The following AGAP4 variants were observed in gnomAD, a reference collection of about 807,000 sequenced individuals.
The protein encoded by AGAP4 is ArfGAP with GTPase domain, ankyrin repeat and PH domain 4.
Under a neutral mutation model 60.7 loss-of-function variants are expected in AGAP4, and 13 were observed. The ratio of observed to expected loss-of-function variants is 0.21; its 90% CI spans 0.14 to 0.34. AGAP4 has a LOEUF of 0.34. Among genes scored for constraint, AGAP4 ranks in the 10% least tolerant of loss-of-function variants. The pLI is 1.00. For synonymous variants in AGAP4, 70 were observed against 339.0 expected, an observed-to-expected ratio of 0.21 and a Z score of 8.72; for missense variants, 169 against 884.0, an observed-to-expected ratio of 0.19 and a Z score of 10.26.
intron 4 of AGAP4, among the ~76,000 whole-genome samples, chr10:45,834,810 G>A (rs1314522057): frequency 7.0e-6 from 1 of 142,188 alleles, no homozygotes; most frequent in South Asian, 2.1e-4. Flanking sequence ...GTCTCGCTCT[G>A]TCGCCCAGAC....
intron 4 of AGAP4, among the ~76,000 whole-genome samples, chr10:45,841,166 G>C (rs1590033072): frequency 2.0e-5 from 2 of 97,954 alleles, no homozygotes; most frequent in Admixed American, 9.2e-5. Flanking sequence ...GCAATGGCGC[G>C]ATCTTGGCTC....
chr10:45,847,456 C>T lies in AGAP4; in HGVS notation c.-109G>A, dbSNP rs1290545427. 1.4e-5 allele frequency: 21 copies of T among 1,531,086 alleles called. No individual in the cohort carries two copies. The highest frequency in any genetic ancestry group is 3.6e-5 in the South Asian group (3 of 83,890). 94.8% of individuals were successfully genotyped at this position (1,531,086 alleles called of 1,614,324 possible). ...GCTGCACTTGCAGAGATGGTCTTCC[C>T]GCTCCTCGCCTGCCCACCTCACAGC... On this transcript the variant is annotated 5_prime_UTR_variant, in exon 1 of 8. Coordinates refer to ENST00000616763, the MANE Select transcript of AGAP4 (RefSeq NM_001276343.3).
chr10:45,826,964 TG>T lies in AGAP4; in HGVS notation c.1011del (p.Ile338SerfsTer10). 1.4e-6 allele frequency: 2 copies of T among 1,429,374 alleles called. No homozygotes were observed. Among genetic ancestry groups the T allele is most frequent in the Non-Finnish European group, 1.9e-6 (2 of 1,044,818 alleles). The allele number at this position is 1,429,374 out of a possible 1,614,324, so 88.5% of individuals were successfully genotyped here. A position where few individuals can be genotyped will look rare whatever the true frequency, so the allele number is the denominator to read the frequency against. On this transcript the variant is annotated frameshift_variant, in exon 8 of 8. Transcript: ENST00000616763. LOFTEE classifies it high-confidence loss of function. The stretch of plus-strand genomic sequence containing the variant: ...GATGGCCACTTTCCTGGGACTTTGA[TG>T]GTAGATGTCTGAAGGTCAATCTCTT... ...HKKEIDLQTS[T>X]IKVPGKWPSL...
chr10:45,826,872 G>A lies in AGAP4; in HGVS notation c.1104C>T (p.Asp368=). ...SKSNGLSKDM[D]TGLGDSICFS... is the part of the protein sequence containing the mutation. ...AGCATATGGAGTCACCCAGCCCGGT[G>A]TCCATGTCCTTGGATAGGCCATTGC... is the stretch of plus-strand genomic sequence containing the variant. The change falls in exon 8 of 8, where the codon GAC becomes GAT. Residue 368 remains aspartate, a synonymous_variant. Coordinates refer to ENST00000616763, the MANE Select transcript of AGAP4 (RefSeq NM_001276343.3). The A allele has an allele frequency of 1.6e-6, 2 of 1,283,312 alleles. No homozygotes were observed. The highest frequency in any genetic ancestry group is 2.2e-6 in the Non-Finnish European group (2 of 927,522). 79.5% of individuals were successfully genotyped at this position (1,283,312 alleles called of 1,614,324 possible). A position where few individuals can be genotyped will look rare whatever the true frequency, so the allele number is the denominator to read the frequency against.
chr10:45,853,669 A>G (rs1257104731), exon 1 of AGAP4: 9 of 1,287,646 alleles, frequency 7.0e-6, no homozygotes, highest in Non-Finnish European at 9.1e-6. Flanking sequence ...AGAGGAGTCC[A>G]GTGGGTCCAG....
chr10:45,830,917 A>C (rs1228036679), intron 6 of AGAP4, among the ~76,000 whole-genome samples: 91 of 127,374 alleles, frequency 7.1e-4, no homozygotes, highest in African/African-American at 2.6e-3. Flanking sequence ...TTGTTGTAGA[A>C]AAGTTATTTT....
chr10:45,850,641 G>A (rs1554900239), upstream of AGAP4, among the ~76,000 whole-genome samples: 2 of 152,254 alleles, frequency 1.3e-5, no homozygotes, highest in African/African-American at 4.8e-5. Flanking sequence ...CAAAAGCGGA[G>A]GAAAAAGTCT....
chr10:45,854,410 C>G (rs2059116553), upstream of AGAP4: 1 of 151,704 alleles, frequency 6.6e-6, no homozygotes, highest in Non-Finnish European at 1.5e-5. Context: ...GGTGGATCAT[C>G]TGAGGTCAGG....
intron 2 of AGAP4, chr10:45,844,610 C>T: frequency 6.2e-6 from 3 of 481,588 alleles, no homozygotes; most frequent in South Asian, 6.3e-5. Flanking sequence ...ATCACTTGAA[C>T]CCAGGTCAGG....
chr10:45,847,103 A>G, intron 1 of AGAP4, 22 bp downstream of exon 1: 1 of 1,597,202 alleles, frequency 6.3e-7, no homozygotes, highest in Non-Finnish European at 8.5e-7. Context: ...CCGAGGGTAG[A>G]TGGCACCTAT....
At chr10:45,847,997 C>G (rs561000266), upstream of AGAP4, 207 of 1,016,014 alleles carry the variant, frequency 2.0e-4, 2 homozygotes, top group African/African-American at 3.3e-3. Context: ...AGCCATCTTC[C>G]TCTATGAGTT....
chr10:45,829,371 G>A (rs1341345445), intron 6 of AGAP4, among the ~76,000 whole-genome samples: 6 of 142,300 alleles, frequency 4.2e-5, no homozygotes, highest in East Asian at 4.1e-4. Context: ...TGATTTAACT[G>A]TGAACTGAAA....
At chr10:45,843,499 C>A (rs1273557436) in intron 3 of AGAP4, among the ~76,000 whole-genome samples, 6 of 134,026 alleles carry the variant, frequency 4.5e-5, no homozygotes, top group African/African-American at 1.8e-4. Flanking sequence ...ATAAATTACC[C>A]AGCCTTAGGT....
At chr10:45,847,559 C>T, upstream of AGAP4, 2 of 1,441,704 alleles carry the variant, frequency 1.4e-6, no homozygotes, top group Admixed American at 2.8e-5. Context: ...CCGCACCCTG[C>T]TGCCTCCCCT....
At chr10:45,831,361 T>A in intron 6 of AGAP4, 33 bp downstream of exon 6, 1 of 1,575,036 alleles carries the variant, frequency 6.3e-7, no homozygotes, top group Non-Finnish European at 8.6e-7. Flanking sequence ...AGTACTTAGC[T>A]AGAATAACAA....
Position 45,846,667 on chromosome 10 carries a change from T to C in AGAP4, c.292+20A>G. The C allele has an allele frequency of 1.2e-6, 1 of 819,288 alleles. No homozygotes were observed. Among genetic ancestry groups the C allele is most frequent in the Non-Finnish European group, 1.9e-6 (1 of 538,312 alleles). The allele number at this position is 819,288 out of a possible 1,614,324, so 50.8% of individuals were successfully genotyped here. ...AGTCCCACAGGATAATAAACAGAGC[T>C]ACAGACACTGTTGTCTCACCATCTG... On this transcript the variant is annotated intron_variant, in intron 2 of 7. Coordinates refer to ENST00000616763, the MANE Select transcript of AGAP4 (RefSeq NM_001276343.3).
At chr10:45,828,667 C>T (rs2058683323) in intron 6 of AGAP4, among the ~76,000 whole-genome samples, 1 of 137,582 alleles carries the variant, frequency 7.3e-6, no homozygotes, top group East Asian at 2.0e-4. Context: ...TCCAGAAGGC[C>T]TAAGAGGTCA....
chr10:45,852,975 T>A (rs1243549379), intron 1 of AGAP4, among the ~76,000 whole-genome samples: 2 of 151,902 alleles, frequency 1.3e-5, no homozygotes, highest in Admixed American at 6.6e-5. Context: ...TAAAGAAAGA[T>A]TAGGGAAGTT....
chr10:45,847,416 C>T lies in AGAP4; in HGVS notation c.-69G>A. 6.5e-7 allele frequency: 1 copy of T among 1,545,886 alleles called. No homozygotes were observed. Among genetic ancestry groups the T allele is most frequent in the South Asian group, 1.2e-5 (1 of 85,726 alleles). ...GCTTTGGCCACGCACTCCCGCTGTCCTAGGCCGAGGCTATGCTGCACTTGC... is the reference window on the plus strand; with the variant it reads ...GCTTTGGCCACGCACTCCCGCTGTCTTAGGCCGAGGCTATGCTGCACTTGC... On this transcript the variant is annotated 5_prime_UTR_variant, in exon 1 of 8. Transcript: ENST00000616763.
Sources: allele counts gnomAD v4.1 joint callset (sites outside exome capture counted in the v4.1 genomes callset), GRCh38; gene constraint gnomAD v4.1.1; transcripts MANE v1.5; gene names NCBI Gene and HGNC (gene_info 2026-07-23, HGNC 2026-07-21).